Variants in ADCY5 observed in about 807,000 individuals in gnomAD.
The protein encoded by ADCY5 is adenylate cyclase 5.
Under a neutral mutation model 119.7 loss-of-function variants are expected in ADCY5, and 30 were observed. The ratio of observed to expected loss-of-function variants is 0.25; its 90% confidence interval spans 0.19 to 0.34. The LOEUF is 0.34. Among genes scored for constraint, ADCY5 ranks in the 10% least tolerant of loss-of-function variants. ADCY5 has a pLI of 1.00. For missense variants in ADCY5, 1,324 were observed against 1,775.2 expected, an observed-to-expected ratio of 0.75 and a Z score of 4.57; for synonymous variants, 753 against 762.2, an observed-to-expected ratio of 0.99 and a Z score of 0.20.
chr3:123,409,480 G>T (rs143193036), intron 1 of ADCY5, among the ~76,000 whole-genome samples: 1 of 152,306 alleles, frequency 6.6e-6, no homozygotes, highest in Non-Finnish European at 1.5e-5. Flanking sequence ...AGCTTTCACA[G>T]GTGGAAAGGA....
intron 3 of ADCY5, among the ~76,000 whole-genome samples, chr3:123,343,592 G>A (rs973204182): frequency 1.3e-5 from 2 of 152,182 alleles, no homozygotes; most frequent in African/African-American, 4.8e-5. Context: ...CGCCTTCTCT[G>A]GCTGAGAAGG....
intron 1 of ADCY5, among the ~76,000 whole-genome samples, chr3:123,380,648 G>A (rs1020020235): frequency 6.6e-5 from 10 of 152,136 alleles, no homozygotes; most frequent in Non-Finnish European, 1.2e-4. Context: ...TCCCCTCAAG[G>A]TGCTTTACCT....
chr3:123,352,183 GCAAAC>G lies in ADCY5; in HGVS notation c.1284+244_1284+248del, dbSNP rs1159744086. Among the ~76,000 whole-genome samples, 1 of 152,152 alleles carries G rather than the reference GCAAAC, an allele frequency of 6.6e-6. No individual in the cohort carries two copies. The highest frequency in any genetic ancestry group is 1.5e-5 in the Non-Finnish European group (1 of 67,998). On this transcript the variant is annotated intron_variant, in intron 2 of 20. Coordinates refer to ENST00000462833, the MANE Select transcript of ADCY5 (RefSeq NM_183357.3). This position sits in a 1 kb window ranked among gnomAD's most constrained non-coding sequence, Gnocchi z 4.8. The stretch of plus-strand genomic sequence containing the variant: ...GACCCTCTGGCTGCTGGGCTTGTTT[GCAAAC>G]CACAGGGACGCCACATGGCTATGGG...
intron 3 of ADCY5, 88 bp from the exon 4 acceptor site, chr3:123,332,763 C>CA (rs1037810297): frequency 8.1e-5 from 75 of 920,714 alleles, no homozygotes; most frequent in Non-Finnish European, 1.2e-4. Flanking sequence ...TTTTTCTTTT[C>CA]TTTTTTTTTA....
intron 1 of ADCY5, among the ~76,000 whole-genome samples, chr3:123,359,455 C>T (rs968017395): frequency 6.6e-6 from 1 of 150,688 alleles, no homozygotes; most frequent in Admixed American, 6.6e-5. Flanking sequence ...CACCTGCCCT[C>T]CCCCAGTCGT....
intron 1 of ADCY5, among the ~76,000 whole-genome samples, chr3:123,367,704 G>T (rs528170405): frequency 1.3e-5 from 2 of 152,086 alleles, no homozygotes; most frequent in Non-Finnish European, 2.9e-5. Flanking sequence ...ACCTGAACTC[G>T]GAGTTCTGGT....
Position 123,447,865 on chromosome 3 carries a change from C to T in ADCY5, c.681G>A (p.Glu227=). ...RSKKFPSDKL[E]RLYQRYFFRL... is the part of the protein sequence containing the mutation. ...GGAAGAAGTAGCGCTGGTACAGCCG[C>T]TCCAGTTTGTCCGACGGGAACTTCT... The change falls in exon 1 of 21, where the codon GAG becomes GAA. Residue 227 remains glutamate (E), a synonymous_variant. Coordinates refer to ENST00000462833, the MANE Select transcript of ADCY5 (RefSeq NM_183357.3). The T allele has an allele frequency of 6.2e-7, 1 of 1,612,632 alleles. No homozygotes were observed. The highest frequency in any genetic ancestry group is 8.5e-7 in the Non-Finnish European group (1 of 1,179,674).
intron 1 of ADCY5, among the ~76,000 whole-genome samples, chr3:123,409,077 GTGTTTTAAGCTTA>G (rs1339823454): frequency 6.6e-6 from 1 of 152,190 alleles, no homozygotes; most frequent in Non-Finnish European, 1.5e-5. Context: ...GAGCTAGCTG[GTGTTTTAAGCTTA>G]TGAAATATTT....
At chr3:123,366,544 T>C (rs1943445206) in intron 1 of ADCY5, among the ~76,000 whole-genome samples, 1 of 152,210 alleles carries the variant, frequency 6.6e-6, no homozygotes, top group Non-Finnish European at 1.5e-5. Context: ...TGGAGGTATA[T>C]GACAGGGGCT....
chr3:123,421,335 G>A (rs13099469), intron 1 of ADCY5, among the ~76,000 whole-genome samples: 1 of 152,210 alleles, frequency 6.6e-6, no homozygotes, highest in African/African-American at 2.4e-5. Flanking sequence ...CAGAGACCCA[G>A]ACAGGTTAGG....
chr3:123,396,092 G>GGGAAGGAGGA (rs1944552993), intron 1 of ADCY5, among the ~76,000 whole-genome samples: 1 of 56,612 alleles, frequency 1.8e-5, no homozygotes, highest in Non-Finnish European at 3.1e-5. Flanking sequence ...GGGAAGGAGG[G>GGGAAGGAGGA]AGGGAAGGAA....
intron 8 of ADCY5, among the ~76,000 whole-genome samples, chr3:123,322,489 T>C (rs2108358182): frequency 6.6e-6 from 1 of 152,206 alleles, no homozygotes; most frequent in South Asian, 2.1e-4. Flanking sequence ...CATGGCGAGT[T>C]GGTAACAGTA....
rs1342103739 is a variant in ADCY5 at position 123,283,562 on chromosome 3, A to G, written c.*1046T>C. On this transcript the variant is annotated 3_prime_UTR_variant, in exon 21 of 21. Transcript: ENST00000462833. ...TAATCTGAGCATATGGTACCCCAAA[A>G]GCACACACCCACTGCTCTGGTGGTA... 6.6e-6 allele frequency: 1 copy of G among 152,194 alleles called. No individual in the cohort carries two copies. Among genetic ancestry groups the G allele is most frequent in the East Asian group, 1.9e-4 (1 of 5,192 alleles). 9.4% of individuals were successfully genotyped at this position (152,194 alleles called of 1,614,324 possible). A position where few individuals can be genotyped will look rare whatever the true frequency, so the allele number is the denominator to read the frequency against.
At chr3:123,434,785 C>T (rs534735123) in intron 1 of ADCY5, among the ~76,000 whole-genome samples, 1 of 152,240 alleles carries the variant, frequency 6.6e-6, no homozygotes, top group South Asian at 2.1e-4. Context: ...AATCTCTTGT[C>T]TATAGCCCTA....
At chr3:123,397,826 C>G (rs1284024245) in intron 1 of ADCY5, among the ~76,000 whole-genome samples, 3 of 152,196 alleles carry the variant, frequency 2.0e-5, no homozygotes, top group African/African-American at 4.8e-5. Context: ...TTTTGTAACT[C>G]TATCCCTGGC....
At chr3:123,311,607 C>A (rs1940584304) in intron 12 of ADCY5, among the ~76,000 whole-genome samples, 1 of 152,218 alleles carries the variant, frequency 6.6e-6, no homozygotes, top group South Asian at 2.1e-4. Flanking sequence ...AGAGGCTAAT[C>A]AGGCCAGGAG....
intron 16 of ADCY5, 106 bp from the exon 17 acceptor site, chr3:123,296,322 T>C (rs1478348129): frequency 2.4e-6 from 3 of 1,245,582 alleles, no homozygotes; most frequent in African/African-American, 1.5e-5. Context: ...CCTCCCACTA[T>C]ACCTTCCCCT....
chr3:123,313,096 G>T (rs528027435), intron 12 of ADCY5, among the ~76,000 whole-genome samples: 40 of 143,668 alleles, frequency 2.8e-4, no homozygotes, highest in Non-Finnish European at 5.4e-4. Context: ...TCAGCGTGGC[G>T]TGCTTCTCAC....
rs918439535 is a variant in ADCY5, at chr3:123,424,395, C to T, written c.1134+23017G>A. Among the ~76,000 whole-genome samples, 7 of 152,214 alleles carry T rather than the reference C, an allele frequency of 4.6e-5. No homozygotes were observed. The East Asian group carries it at 1.4e-3, about 29-fold the overall frequency. ...GGTTTGGTGGGGTCAGGCAGAGAAG[C>T]AGACCTTGGGGCCTCCCCAGGGGGA... is the stretch of plus-strand genomic sequence containing the variant. On this transcript the variant is annotated intron_variant, in intron 1 of 20. Transcript: ENST00000462833.
Sources: gnomAD v4.1 joint callset for allele counts (sites outside exome capture counted in the v4.1 genomes callset) on GRCh38, gnomAD v4.1.1 for gene constraint, Gnocchi (gnomAD v3.1) non-coding constraint, MANE v1.5 for transcripts, NCBI Gene and HGNC (gene_info 2026-07-23, HGNC 2026-07-21) for gene names.